Variants in KDM1B observed in about 807,000 individuals in gnomAD.
KDM1B encodes the protein lysine demethylase 1B.
In KDM1B, 63 loss-of-function variants were observed where a neutral mutation model predicts 107.4. The observed-to-expected ratio is 0.59, with a 90% confidence interval of 0.48 to 0.72. The LOEUF (loss-of-function observed/expected upper bound fraction) is 0.72, where lower values mean the gene tolerates loss of function less well. KDM1B is among the 30% of genes least tolerant of loss of function. KDM1B has a pLI of 0.00. For missense variants in KDM1B, 749 were observed against 1,020.8 expected (o/e 0.73, Z 3.63); for synonymous variants, 363 against 363.9 (o/e 1.00, Z 0.03).
At chr6:18,220,971 G>A (rs1213351100) in intron 21 of KDM1B, among the ~76,000 whole-genome samples, 1 of 151,798 alleles carries the variant, frequency 6.6e-6, no homozygotes, top group Admixed American at 6.6e-5. Flanking sequence ...GGCAGGTCTT[G>A]AACTCCTGAC....
At chr6:18,180,726 C>A (rs574993568) in intron 7 of KDM1B, among the ~76,000 whole-genome samples, 35 of 152,222 alleles carry the variant, frequency 2.3e-4, no homozygotes, top group African/African-American at 8.2e-4. Flanking sequence ...CCACCACGCC[C>A]AGCTAATTTG....
At chr6:18,157,463 C>G (rs1446424021) in intron 2 of KDM1B, among the ~76,000 whole-genome samples, 2 of 152,128 alleles carry the variant, frequency 1.3e-5, no homozygotes, top group Non-Finnish European at 2.9e-5. Context: ...GGAAACTATA[C>G]TTTCTTTTGA....
intron 15 of KDM1B, among the ~76,000 whole-genome samples, chr6:18,206,173 G>C (rs1788356274): frequency 6.8e-6 from 1 of 148,092 alleles, no homozygotes; most frequent in Admixed American, 6.7e-5. Context: ...TTTTAAGCAA[G>C]AGAAACTCTT....
intron 6 of KDM1B, among the ~76,000 whole-genome samples, chr6:18,170,553 C>G (rs1486411897): frequency 6.6e-6 from 1 of 151,792 alleles, no homozygotes; most frequent in Non-Finnish European, 1.5e-5. Context: ...AATCTCAGCT[C>G]ACTGCAGCCT....
At chr6:18,206,750 C>T (rs1316485957) in intron 15 of KDM1B, among the ~76,000 whole-genome samples, 1 of 152,096 alleles carries the variant, frequency 6.6e-6, no homozygotes, top group African/African-American at 2.4e-5. Flanking sequence ...CCTTTCCCTG[C>T]CCTCTGCAGA....
chr6:18,161,367 A>G lies in KDM1B; in HGVS notation c.128A>G (p.Asp43Gly), dbSNP rs746467131. ...KATETTDEDE[D>G]GGSEKKYRKC... ...ACAGAGACAACAGATGAGGATGAAG[A>G]TGGTGGCTCAGAGAAGAAGTACAGG... Residue 43 changes from aspartate to glycine, a missense_variant, in exon 4 of 22, where the codon GAT becomes GGT. Physicochemically the swap from Asp to Gly is moderately conservative, Grantham distance 94. Coordinates refer to ENST00000650836, the MANE Select transcript of KDM1B (RefSeq NM_001364614.2). The G allele has an allele frequency of 3.1e-6, 5 of 1,614,066 alleles. No individual in the cohort carries two copies. In the South Asian group the frequency reaches 5.5e-5, roughly 18 times the overall value.
chr6:18,166,403 T>A (rs1157743065), intron 6 of KDM1B, 25 bp downstream of exon 6: 1 of 1,364,616 alleles, frequency 7.3e-7, no homozygotes, highest in East Asian at 2.3e-5. Context: ...GCTCTCTGTC[T>A]GTGAAGTATT....
Position 18,213,892 on chromosome 6 carries a change from G to C in KDM1B, c.2109+111G>C. 2.5e-6 allele frequency: 3 copies of C among 1,209,330 alleles called. No homozygotes were observed. Among genetic ancestry groups the C allele is most frequent in the South Asian group, 2.7e-5 (2 of 73,562 alleles). The allele number at this position is 1,209,330 out of a possible 1,614,324, so 74.9% of individuals were successfully genotyped here. A position where few individuals can be genotyped will look rare whatever the true frequency, so the allele number is the denominator to read the frequency against. Reference sequence around the variant, plus strand: ...AACTAACGAACATCATGGAGACCCTGGGTCTATGTTTATATTCTGGGAGGA... The same window carrying C: ...AACTAACGAACATCATGGAGACCCTCGGTCTATGTTTATATTCTGGGAGGA... On this transcript the variant is annotated intron_variant, in intron 19 of 21. Coordinates refer to ENST00000650836, the MANE Select transcript of KDM1B (RefSeq NM_001364614.2). This position sits in a 1 kb window ranked among gnomAD's most constrained non-coding sequence, Gnocchi z 5.9.
At chr6:18,187,266 T>C (rs1257863663) in intron 8 of KDM1B, among the ~76,000 whole-genome samples, 2 of 152,206 alleles carry the variant, frequency 1.3e-5, no homozygotes, top group African/African-American at 4.8e-5. Context: ...GCGTCTTATT[T>C]TGATGTTTGC....
In KDM1B at chr6:18,205,799, C is replaced by T; in HGVS notation, c.1659+135C>T. On this transcript the variant is annotated intron_variant, in intron 15 of 21. Coordinates refer to ENST00000650836, the MANE Select transcript of KDM1B (RefSeq NM_001364614.2). The surrounding 1 kb of genome is among the most constrained non-coding windows in gnomAD (Gnocchi z 5.7). ...ATGAGGTCAGGAGATCGAGACCATC[C>T]TGGCCAACATGGTGAAACCCTGTCT... 1.3e-6 allele frequency: 1 copy of T among 798,004 alleles called. No homozygotes were observed. Among genetic ancestry groups the T allele is most frequent in the Non-Finnish European group, 1.7e-6 (1 of 582,786 alleles). The allele number at this position is 798,004 out of a possible 1,614,324, so 49.4% of individuals were successfully genotyped here.
chr6:18,159,005 T>C lies in KDM1B; in HGVS notation c.-13-878T>C, dbSNP rs1582068820. 6.6e-6 allele frequency among the ~76,000 whole-genome samples: 1 copy of C among 152,208 alleles called. No individual in the cohort carries two copies. The highest frequency in any genetic ancestry group is 1.9e-4 in the East Asian group (1 of 5,204). On this transcript the variant is annotated intron_variant, in intron 2 of 21. Transcript: ENST00000650836. This position sits in a 1 kb window ranked among gnomAD's most constrained non-coding sequence, Gnocchi z 4.5. ...TTTTTTGAGATGGAGTCTTGCTCTG[T>C]TGCCCAGGCTGGAGTGCAGTAGCAC...
chr6:18,200,467 T>A lies in KDM1B; in HGVS notation c.1250T>A (p.Ile417Asn), dbSNP rs1222347190. Reference sequence around the variant, plus strand: ...ACTGTCCTGGAAGCCAAAGACAGAATTGGAGGCCGAGTCTGGGATGATAAA... The same window carrying A: ...ACTGTCCTGGAAGCCAAAGACAGAAATGGAGGCCGAGTCTGGGATGATAAA... ...KVTVLEAKDRIGGRVWDDKSF... is the reference protein window; with the variant it reads ...KVTVLEAKDRNGGRVWDDKSF... The change falls in exon 13 of 22, where the codon ATT becomes AAT. Residue 417 changes from isoleucine (I) to asparagine (N), a missense_variant. Transcript: ENST00000650836. The surrounding 1 kb of genome is among the most constrained non-coding windows in gnomAD (Gnocchi z 4.3). 3 of 1,614,000 alleles carry A rather than the reference T, an allele frequency of 1.9e-6. No homozygotes were observed. Among genetic ancestry groups the A allele is most frequent in the Admixed American group, 1.7e-5 (1 of 59,990 alleles).
rs930521417 is a variant in KDM1B at position 18,213,430 on chromosome 6, C to T, written c.1984-226C>T. Among the ~76,000 whole-genome samples, 2 of 150,268 alleles carry T rather than the reference C, an allele frequency of 1.3e-5. No homozygotes were observed. The highest frequency in any genetic ancestry group is 4.9e-5 in the African/African-American group (2 of 40,810). ...CCAGCTGGGCAACAAGAGCGAAACT[C>T]CGTCTCAAAAAAAAAAAAAACCCAA... On this transcript the variant is annotated intron_variant, in intron 18 of 21. Coordinates refer to ENST00000650836, the MANE Select transcript of KDM1B (RefSeq NM_001364614.2). The surrounding 1 kb of genome is among the most constrained non-coding windows in gnomAD (Gnocchi z 5.9).
Position 18,201,090 on chromosome 6 carries a change from A to T in KDM1B, c.1360-396A>T, listed in dbSNP as rs1787998530. 6.6e-6 allele frequency among the ~76,000 whole-genome samples: 1 copy of T among 152,198 alleles called. No individual in the cohort carries two copies. Among genetic ancestry groups the T allele is most frequent in the Non-Finnish European group, 1.5e-5 (1 of 68,040 alleles). ...TGGTAGGCCCAAGACTTTTTCTGAA[A>T]TGTTTATTGATGGTCAATTCAATTT... On this transcript the variant is annotated intron_variant, in intron 13 of 21. Coordinates refer to ENST00000650836, the MANE Select transcript of KDM1B (RefSeq NM_001364614.2). The surrounding 1 kb of genome is among the most constrained non-coding windows in gnomAD (Gnocchi z 4.3).
intron 6 of KDM1B, 105 bp from the exon 7 acceptor site, chr6:18,171,258 T>C: frequency 1.3e-6 from 1 of 742,796 alleles, no homozygotes; most frequent in Non-Finnish European, 2.5e-6. Context: ...GAAAAAATAC[T>C]TAGGATTGCT....
In KDM1B at chr6:18,201,450, G is replaced by A; in HGVS notation, c.1360-36G>A. 6.7e-7 allele frequency: 1 copy of A among 1,483,358 alleles called. No individual in the cohort carries two copies. Among genetic ancestry groups the A allele is most frequent in the Non-Finnish European group, 9.0e-7 (1 of 1,105,592 alleles). 91.9% of individuals were successfully genotyped at this position (1,483,358 alleles called of 1,614,324 possible). On this transcript the variant is annotated intron_variant, in intron 13 of 21. Transcript: ENST00000650836. This position sits in a 1 kb window ranked among gnomAD's most constrained non-coding sequence, Gnocchi z 4.3. ...GAACCTGTAAATATTTTTTTCCAGGGAAAATTTTCACCTTCTTATTCTTAT... is the reference window on the plus strand; with the variant it reads ...GAACCTGTAAATATTTTTTTCCAGGAAAAATTTTCACCTTCTTATTCTTAT...
At chr6:18,177,954 A>T (rs551623692) in intron 7 of KDM1B, among the ~76,000 whole-genome samples, 3 of 152,102 alleles carry the variant, frequency 2.0e-5, no homozygotes, top group African/African-American at 7.2e-5. Context: ...ATCTGTCTCC[A>T]TCTTTTTGAG....
intron 21 of KDM1B, among the ~76,000 whole-genome samples, chr6:18,218,163 C>T (rs1436968229): frequency 6.6e-6 from 1 of 152,138 alleles, no homozygotes; most frequent in East Asian, 1.9e-4. Context: ...CTCTGTGGCT[C>T]AGACTGGAGT....
intron 20 of KDM1B, among the ~76,000 whole-genome samples, chr6:18,215,397 G>T (rs561370647): frequency 6.6e-6 from 1 of 152,186 alleles, no homozygotes; most frequent in East Asian, 1.9e-4. Flanking sequence ...TCGAGGTGTC[G>T]GCAGGGTTGG....
Sources: allele counts gnomAD v4.1 joint callset (sites outside exome capture counted in the v4.1 genomes callset), GRCh38; gene constraint gnomAD v4.1.1; non-coding constraint Gnocchi (gnomAD v3.1); transcripts MANE v1.5; gene names NCBI Gene and HGNC (gene_info 2026-07-23, HGNC 2026-07-21).